NKAIN2: variants seen among roughly 807,000 people sequenced by gnomAD.
NKAIN2 encodes sodium/potassium-transporting ATPase subunit beta-1-interacting protein 2.
NKAIN2 carries 14 observed loss-of-function variants against 32.6 expected under a neutral mutation model. That is an observed-to-expected ratio of 0.43 (90% CI 0.28 to 0.67). NKAIN2 has a LOEUF of 0.67. Ranked by LOEUF, NKAIN2 falls within the 30% of genes least tolerant of loss-of-function variation. The probability of loss-of-function intolerance (pLI) is 0.17; values close to 1 mark genes in which losing one functional copy is unlikely to be tolerated. For synonymous variants in NKAIN2, 80 were observed against 87.2 expected (o/e 0.92, Z 0.46); for missense variants, 198 against 258.3 (o/e 0.77, Z 1.60).
chr6:124,481,059 G>A (rs935030491), intron 3 of NKAIN2, among the ~76,000 whole-genome samples: 9 of 152,038 alleles, frequency 5.9e-5, no homozygotes, highest in Admixed American at 3.3e-4. Context: ...GCTATGCACT[G>A]TTCCATCTTA....
At chr6:124,696,777 T>TG (rs930255313) in intron 4 of NKAIN2, among the ~76,000 whole-genome samples, 1 of 151,968 alleles carries the variant, frequency 6.6e-6, no homozygotes, top group African/African-American at 2.4e-5. Context: ...TATTTTTTTT[T>TG]TTTTTTTGCA....
intron 1 of NKAIN2, among the ~76,000 whole-genome samples, chr6:123,840,757 G>A (rs536799481): frequency 6.6e-6 from 1 of 152,080 alleles, no homozygotes; most frequent in Admixed American, 6.6e-5. Flanking sequence ...AGTACAATAA[G>A]ACTACATTTC....
chr6:124,260,057 C>T (rs930571225), intron 1 of NKAIN2, among the ~76,000 whole-genome samples: 1 of 152,110 alleles, frequency 6.6e-6, no homozygotes, highest in Non-Finnish European at 1.5e-5. Flanking sequence ...AGAACTGCAT[C>T]GATAAATCAC....
intron 1 of NKAIN2, among the ~76,000 whole-genome samples, chr6:123,929,980 A>G (rs1267762110): frequency 1.3e-5 from 2 of 152,232 alleles, no homozygotes; most frequent in East Asian, 3.9e-4. Flanking sequence ...AATTTACCAT[A>G]AATAGAAATC....
At chr6:124,781,971 A>C (rs929966406) in intron 4 of NKAIN2, among the ~76,000 whole-genome samples, 2 of 151,742 alleles carry the variant, frequency 1.3e-5, no homozygotes, top group Admixed American at 1.3e-4. Context: ...TCCTACCTTC[A>C]CTCCCATTCA....
At chr6:124,780,420 T>A (rs896020470) in intron 4 of NKAIN2, among the ~76,000 whole-genome samples, 1 of 152,188 alleles carries the variant, frequency 6.6e-6, no homozygotes, top group African/African-American at 2.4e-5. Context: ...AGGAGTAGCC[T>A]TGAAGTAGCC....
chr6:124,399,591 G>A (rs332609), intron 3 of NKAIN2, among the ~76,000 whole-genome samples: 203 of 152,244 alleles, frequency 1.3e-3, no homozygotes, highest in South Asian at 4.2e-3. Context: ...GTTGGGTGGC[G>A]GTGAGTCAGG....
At position 124,679,498 on chromosome 6, in the gene NKAIN2, G is replaced by T. The variant is rs188699933; in HGVS notation, c.474+21112G>T. On this transcript the variant is annotated intron_variant, in intron 4 of 6. Transcript: ENST00000368417. The stretch of plus-strand genomic sequence containing the variant: ...TCATACTATACTGAGCCAAGTGGAA[G>T]GACTGTGATGAATGAGTGCCATCGA... 7.2e-5 allele frequency among the ~76,000 whole-genome samples: 11 copies of T among 152,266 alleles called. No homozygotes were observed. In the East Asian group the frequency reaches 2.1e-3, roughly 29 times the overall value.
intron 1 of NKAIN2, among the ~76,000 whole-genome samples, chr6:123,938,301 A>G (rs939268062): frequency 1.3e-5 from 2 of 149,574 alleles, no homozygotes; most frequent in African/African-American, 4.9e-5. Context: ...TGAACACTTC[A>G]TGTTTCACTG....
At chr6:124,138,152 C>A (rs1428743338) in intron 1 of NKAIN2, among the ~76,000 whole-genome samples, 2 of 151,832 alleles carry the variant, frequency 1.3e-5, no homozygotes, top group Non-Finnish European at 3.0e-5. Context: ...AAACAAATAA[C>A]CTTATCAAAA....
At chr6:124,447,741 G>A (rs1775954041) in intron 3 of NKAIN2, among the ~76,000 whole-genome samples, 1 of 152,026 alleles carries the variant, frequency 6.6e-6, no homozygotes, top group African/African-American at 2.4e-5. Flanking sequence ...ATCTCTGCAG[G>A]GCATAGTAAC....
At chr6:124,268,734 C>T (rs146474413) in intron 1 of NKAIN2, among the ~76,000 whole-genome samples, 335 of 151,200 alleles carry the variant, frequency 2.2e-3, no homozygotes, top group African/African-American at 7.7e-3. Context: ...TATATATACA[C>T]ATTTATTCTA....
intron 1 of NKAIN2, among the ~76,000 whole-genome samples, chr6:123,872,246 A>C (rs1772926005): frequency 6.6e-6 from 1 of 152,260 alleles, no homozygotes; most frequent in Admixed American, 6.5e-5. Context: ...GGAAAATGAG[A>C]AAGTGGTCCT....
At chr6:124,673,507 C>G (rs1371620773) in intron 4 of NKAIN2, among the ~76,000 whole-genome samples, 1 of 152,018 alleles carries the variant, frequency 6.6e-6, no homozygotes, top group African/African-American at 2.4e-5. Flanking sequence ...CACTAGGGTT[C>G]CAGTTTCTCC....
intron 1 of NKAIN2, among the ~76,000 whole-genome samples, chr6:124,161,630 A>T (rs2114450631): frequency 6.6e-6 from 1 of 152,286 alleles, no homozygotes; most frequent in South Asian, 2.1e-4. Context: ...CTGAAAAATG[A>T]GCATGCATAA....
At chr6:124,013,826 C>A (rs989029126) in intron 1 of NKAIN2, among the ~76,000 whole-genome samples, 1 of 152,100 alleles carries the variant, frequency 6.6e-6, no homozygotes, top group Admixed American at 6.6e-5. Flanking sequence ...AGAGATGTGG[C>A]CTTTCTGGCT....
chr6:124,682,887 G>A (rs1304595501), intron 4 of NKAIN2, among the ~76,000 whole-genome samples: 1 of 152,208 alleles, frequency 6.6e-6, no homozygotes, highest in East Asian at 1.9e-4. Context: ...GCTTTACTCA[G>A]GTTCTCACTT....
At chr6:124,499,172 T>C (rs1030475924) in intron 3 of NKAIN2, among the ~76,000 whole-genome samples, 5 of 152,200 alleles carry the variant, frequency 3.3e-5, no homozygotes, top group Admixed American at 2.0e-4. Context: ...TTAGGTGTAA[T>C]ATTTTTCTAA....
intron 3 of NKAIN2, among the ~76,000 whole-genome samples, chr6:124,412,641 A>T (rs1159694415): frequency 6.6e-6 from 1 of 152,186 alleles, no homozygotes; most frequent in African/African-American, 2.4e-5. Flanking sequence ...TTGAGGAGGC[A>T]GTCTGCCCAT....
Sources: allele counts gnomAD v4.1 joint callset (sites outside exome capture counted in the v4.1 genomes callset), GRCh38; gene constraint gnomAD v4.1.1; transcripts MANE v1.5; gene names NCBI Gene and HGNC (gene_info 2026-07-23, HGNC 2026-07-21).